The following INSR variants were observed in gnomAD, a reference collection of about 807,000 sequenced individuals.
INSR encodes insulin receptor.
Under a neutral mutation model 142.6 loss-of-function variants are expected in INSR, and 67 were observed. That is an observed-to-expected ratio of 0.47 (90% CI 0.39 to 0.58). INSR has a LOEUF of 0.58. Among genes scored for constraint, INSR ranks in the 20% least tolerant of loss-of-function variants. The pLI, the probability that INSR is intolerant of heterozygous loss-of-function variation, is 0.00. For synonymous variants in INSR, 756 were observed against 743.1 expected (o/e 1.02, Z -0.28); for missense variants, 1,248 against 1,833.2 (o/e 0.68, Z 5.83).
intron 2 of INSR, among the ~76,000 whole-genome samples, chr19:7,229,300 T>TG (rs773824880): frequency 1.6e-5 from 2 of 124,404 alleles, no homozygotes; most frequent in South Asian, 2.8e-4. Flanking sequence ...GATGGAGGGA[T>TG]GATGGATGGA....
At chr19:7,239,838 C>G (rs1464747707) in intron 2 of INSR, among the ~76,000 whole-genome samples, 1 of 151,770 alleles carries the variant, frequency 6.6e-6, no homozygotes, top group South Asian at 2.1e-4. Context: ...AAAAAAAAAG[C>G]ATTTGGCTTA....
At chr19:7,268,431 T>A in intron 1 of INSR, 1 of 985,196 alleles carries the variant, frequency 1.0e-6, no homozygotes, top group Non-Finnish European at 1.2e-6. Context: ...GGTGAGGGCT[T>A]CCCAGGGAGC....
At chr19:7,124,541 G>GAAAAAAAAA (rs531613079) in intron 17 of INSR, among the ~76,000 whole-genome samples, 2 of 9,920 alleles carry the variant, frequency 2.0e-4, no homozygotes, top group Non-Finnish European at 3.3e-4. Context: ...TCCGTTTCAG[G>GAAAAAAAAA]AAAAAAAAAA....
chr19:7,231,673 A>G (rs1396639603), intron 2 of INSR, among the ~76,000 whole-genome samples: 1 of 152,016 alleles, frequency 6.6e-6, no homozygotes, highest in Non-Finnish European at 1.5e-5. Context: ...AACCTGCCAT[A>G]CATCCTTTTA....
intron 2 of INSR, among the ~76,000 whole-genome samples, chr19:7,196,151 T>C (rs1310671346): frequency 6.6e-6 from 1 of 151,358 alleles, no homozygotes; most frequent in Non-Finnish European, 1.5e-5. Flanking sequence ...GTCAGGCTGG[T>C]CTCGAACTCC....
chr19:7,138,059 G>T (rs1972982268), intron 13 of INSR, among the ~76,000 whole-genome samples: 1 of 151,182 alleles, frequency 6.6e-6, no homozygotes, highest in Admixed American at 6.6e-5. Flanking sequence ...CACCTCCTGG[G>T]TTCACGCCAT....
chr19:7,129,773 T>C (rs2144824991), intron 14 of INSR, among the ~76,000 whole-genome samples: 1 of 152,288 alleles, frequency 6.6e-6, no homozygotes, highest in Admixed American at 6.5e-5. Context: ...GGTCTTACTC[T>C]GTCACCCAGG....
chr19:7,119,704 A>G lies in INSR; in HGVS notation c.3660-121T>C, dbSNP rs1323193652. ...CGCAAACACACATGCCAACACATAC[A>G]TGCAAACACACACATGCAAACACAC... On this transcript the variant is annotated intron_variant, in intron 20 of 21. Transcript: ENST00000302850. This position sits in a 1 kb window ranked among gnomAD's most constrained non-coding sequence, Gnocchi z 5.2. The G allele has an allele frequency of 1.8e-6, 2 of 1,098,594 alleles. No homozygotes were observed. 68.1% of individuals were successfully genotyped at this position (1,098,594 alleles called of 1,614,324 possible). A position where few individuals can be genotyped will look rare whatever the true frequency, so the allele number is the denominator to read the frequency against.
chr19:7,267,466 A>T lies in INSR; in HGVS notation c.531T>A (p.Asp177Glu). ...AGATGTCTCCACACTCCTCGTTGTC[A>T]TCTTTGTTCAACACGATGTAATTAT... The part of the protein sequence containing the change: ...VEDNYIVLNK[D>E]DNEECGDICP... Residue 177 changes from aspartate to glutamate, a missense_variant, in exon 2 of 22, where the codon GAT (aspartate) becomes GAA (glutamate). Physicochemically the swap from Asp to Glu is conservative, Grantham distance 45. This residue lies in a region of INSR where 1,069 missense variants were observed against 1,654.0 expected (regional missense o/e 0.65). Coordinates refer to ENST00000302850, the MANE Select transcript of INSR (RefSeq NM_000208.4). The surrounding 1 kb of genome is among the most constrained non-coding windows in gnomAD (Gnocchi z 6.3). The T allele has an allele frequency of 6.2e-7, 1 of 1,614,032 alleles. No homozygotes were observed.
At chr19:7,131,423 G>T (rs1236312432) in intron 14 of INSR, among the ~76,000 whole-genome samples, 2 of 151,532 alleles carry the variant, frequency 1.3e-5, no homozygotes, top group Non-Finnish European at 2.9e-5. Flanking sequence ...TCGGTTCACT[G>T]CAAGCTCTGC....
rs533315737 is a variant in INSR at position 7,169,540 on chromosome 19, C to A, written c.1483+997G>T. Among the ~76,000 whole-genome samples, 17 of 144,328 alleles carry A rather than the reference C, an allele frequency of 1.2e-4. No homozygotes were observed. The East Asian group carries it at 3.5e-3, about 30-fold the overall frequency. The allele number at this position is 144,328 out of a possible 152,430, so 94.7% of individuals were successfully genotyped here. A position where few individuals can be genotyped will look rare whatever the true frequency, so the allele number is the denominator to read the frequency against. On this transcript the variant is annotated intron_variant, in intron 6 of 21. Transcript: ENST00000302850. Reference sequence around the variant, plus strand: ...GCAGTGAGGCAAGATCACGCCACTGCACTCCAGCCCTGGGTGACAGAGCAA... The same window carrying A: ...GCAGTGAGGCAAGATCACGCCACTGAACTCCAGCCCTGGGTGACAGAGCAA...
At chr19:7,121,660 G>A (rs535246551) in intron 19 of INSR, among the ~76,000 whole-genome samples, 1 of 152,242 alleles carries the variant, frequency 6.6e-6, no homozygotes, top group East Asian at 1.9e-4. Flanking sequence ...AGGAGATGGA[G>A]TCTCACTATG....
intron 11 of INSR, among the ~76,000 whole-genome samples, chr19:7,144,921 C>T (rs1176891234): frequency 6.6e-6 from 1 of 151,998 alleles, no homozygotes; most frequent in Non-Finnish European, 1.5e-5. Context: ...CCAGGACAAT[C>T]TCAGCAACCC....
chr19:7,251,852 T>A (rs1239002981), intron 2 of INSR, among the ~76,000 whole-genome samples: 3 of 152,094 alleles, frequency 2.0e-5, no homozygotes, highest in Non-Finnish European at 4.4e-5. Context: ...GTGGTTTTTT[T>A]ATGTAATAAG....
intron 9 of INSR, among the ~76,000 whole-genome samples, chr19:7,161,935 C>T (rs527440740): frequency 3.9e-5 from 6 of 152,206 alleles, no homozygotes; most frequent in Admixed American, 2.0e-4. Flanking sequence ...GTAATCCCAG[C>T]GCTTTGGGAG....
At chr19:7,169,074 A>G (rs1157995353) in intron 6 of INSR, among the ~76,000 whole-genome samples, 1 of 152,172 alleles carries the variant, frequency 6.6e-6, no homozygotes. Flanking sequence ...CTCTCCCTGG[A>G]CAGCCCCCAC....
At chr19:7,268,585 C>G (rs1275307763) in intron 1 of INSR, 4 of 985,206 alleles carry the variant, frequency 4.1e-6, no homozygotes, top group African/African-American at 1.7e-5. Context: ...ACTAAACAGG[C>G]CTGCCCACAA....
At position 7,122,942 on chromosome 19, in the gene INSR, CA is replaced by C; in HGVS notation, c.3305del (p.Val1102GlyfsTer4). The stretch of plus-strand genomic sequence containing the variant: ...GGTCTCCGTGAGCCATCAGCTCCAT[CA>C]CCACCAGCGTGGGCTGGCCCTTGGA... ...VVSKGQPTLV[V>X]MELMAHGDLK... On this transcript the variant is annotated frameshift_variant, in exon 18 of 22. Coordinates refer to ENST00000302850, the MANE Select transcript of INSR (RefSeq NM_000208.4). LOFTEE classifies it high-confidence loss of function. 6.2e-7 allele frequency: 1 copy of C among 1,608,448 alleles called. No individual in the cohort carries two copies. Among genetic ancestry groups the C allele is most frequent in the Non-Finnish European group, 8.5e-7 (1 of 1,178,404 alleles).
intron 2 of INSR, among the ~76,000 whole-genome samples, chr19:7,263,485 C>T (rs1398642689): frequency 6.6e-5 from 10 of 152,118 alleles, no homozygotes; most frequent in East Asian, 3.9e-4. Context: ...CCCGGTACCC[C>T]GGGAAGTGTT....
Sources: gnomAD v4.1 joint callset for allele counts (sites outside exome capture counted in the v4.1 genomes callset) on GRCh38, gnomAD v4.1.1 for gene constraint, gnomAD v4.1.1 regional missense constraint, Gnocchi (gnomAD v3.1) non-coding constraint, MANE v1.5 for transcripts, NCBI Gene and HGNC (gene_info 2026-07-23, HGNC 2026-07-21) for gene names.